Variants in EPHA7 observed in about 807,000 individuals in gnomAD.
EPHA7 encodes ephrin type-A receptor 7.
In EPHA7, 25 loss-of-function variants were observed where a neutral mutation model predicts 112.6. The observed-to-expected ratio is 0.22, with a 90% confidence interval of 0.16 to 0.31. The LOEUF is 0.31. EPHA7 is among the 10% of genes least tolerant of loss of function. The pLI is 1.00. For missense variants in EPHA7, 962 were observed against 1,212.6 expected, an observed-to-expected ratio of 0.79 and a Z score of 3.07; for synonymous variants, 437 against 406.5, an observed-to-expected ratio of 1.07 and a Z score of -0.90.
intron 14 of EPHA7, among the ~76,000 whole-genome samples, chr6:93,254,329 C>T (rs1352981135): frequency 6.6e-6 from 1 of 152,046 alleles, no homozygotes; most frequent in Non-Finnish European, 1.5e-5. Flanking sequence ...GATTCTTTTA[C>T]TCATGTGATG....
chr6:93,253,377 CAG>C (rs1347862884), intron 14 of EPHA7, among the ~76,000 whole-genome samples: 3 of 152,054 alleles, frequency 2.0e-5, no homozygotes, highest in Non-Finnish European at 4.4e-5. Context: ...TTCCTCTTTT[CAG>C]ACTGTGGACT....
chr6:93,254,841 A>T, intron 13 of EPHA7, 45 bp from the exon 14 acceptor site: 1 of 1,517,800 alleles, frequency 6.6e-7, no homozygotes, highest in African/African-American at 1.4e-5. Flanking sequence ...ATAATAACTG[A>T]TATATTATTT....
chr6:93,391,737 G>C (rs1271816657), intron 3 of EPHA7, among the ~76,000 whole-genome samples: 1 of 151,782 alleles, frequency 6.6e-6, no homozygotes, highest in Non-Finnish European at 1.5e-5. Flanking sequence ...AACAGAGGAA[G>C]GGGAAGCTGG....
chr6:93,241,094 C>T lies in EPHA7; in HGVS notation c.*2332G>A, dbSNP rs1769669860. Reference sequence around the variant, plus strand: ...AAAACTTTTATTCTGCCCTTCTACTCAAGAAAGACTACTCAACTATAAATC... The same window carrying T: ...AAAACTTTTATTCTGCCCTTCTACTTAAGAAAGACTACTCAACTATAAATC... On this transcript the variant is annotated 3_prime_UTR_variant, in exon 17 of 17. Coordinates refer to ENST00000369303, the MANE Select transcript of EPHA7 (RefSeq NM_004440.4). 1 of 205,872 alleles carries T rather than the reference C, an allele frequency of 4.9e-6. No individual in the cohort carries two copies. Among genetic ancestry groups the T allele is most frequent in the Admixed American group, 6.0e-5 (1 of 16,806 alleles). The allele number at this position is 205,872 out of a possible 1,614,324, so 12.8% of individuals were successfully genotyped here.
intron 5 of EPHA7, among the ~76,000 whole-genome samples, chr6:93,294,994 G>A (rs1023968960): frequency 6.6e-6 from 1 of 151,762 alleles, no homozygotes; most frequent in Non-Finnish European, 1.5e-5. Flanking sequence ...ATCATACAGT[G>A]TGTTTACTTT....
intron 4 of EPHA7, 98 bp downstream of exon 4, chr6:93,358,158 G>T: frequency 1.1e-6 from 1 of 913,450 alleles, no homozygotes; most frequent in Non-Finnish European, 1.5e-6. Context: ...GTATAATTAA[G>T]AATGTATCAC....
chr6:93,251,898 T>C (rs747703325), intron 14 of EPHA7, among the ~76,000 whole-genome samples: 4 of 152,046 alleles, frequency 2.6e-5, no homozygotes, highest in Non-Finnish European at 5.9e-5. Flanking sequence ...TTGGTTTTAA[T>C]TGCAACTAAC....
chr6:93,258,840 A>C (rs1396840384), intron 10 of EPHA7, among the ~76,000 whole-genome samples: 1 of 151,476 alleles, frequency 6.6e-6, no homozygotes, highest in Non-Finnish European at 1.5e-5. Context: ...GATTTAAAGG[A>C]ATTAGAATCA....
At chr6:93,294,326 G>T (rs1772541232) in intron 5 of EPHA7, among the ~76,000 whole-genome samples, 1 of 152,056 alleles carries the variant, frequency 6.6e-6, no homozygotes, top group African/African-American at 2.4e-5. Flanking sequence ...CCCTTAAATG[G>T]GCAGTGTATC....
chr6:93,336,256 G>C (rs1229350799), intron 5 of EPHA7, among the ~76,000 whole-genome samples: 1 of 152,134 alleles, frequency 6.6e-6, no homozygotes, highest in East Asian at 1.9e-4. Flanking sequence ...TTTAGCATCA[G>C]AAAACGAGGC....
At chr6:93,297,028 A>G (rs540049108) in intron 5 of EPHA7, among the ~76,000 whole-genome samples, 3 of 151,616 alleles carry the variant, frequency 2.0e-5, no homozygotes, top group East Asian at 1.9e-4. Context: ...TCATTTTATT[A>G]TCTAAATGTA....
intron 5 of EPHA7, among the ~76,000 whole-genome samples, chr6:93,314,570 AC>A (rs1773702290): frequency 6.6e-6 from 1 of 152,194 alleles, no homozygotes; most frequent in Non-Finnish European, 1.5e-5. Flanking sequence ...AGACCACCTT[AC>A]AGACAGGACC....
chr6:93,262,122 C>T (rs1005582536), intron 9 of EPHA7, among the ~76,000 whole-genome samples: 1 of 151,502 alleles, frequency 6.6e-6, no homozygotes, highest in African/African-American at 2.4e-5. Flanking sequence ...TTATATTACT[C>T]TTCTATATAC....
At chr6:93,357,645 A>T (rs547340745) in intron 4 of EPHA7, among the ~76,000 whole-genome samples, 1 of 139,912 alleles carries the variant, frequency 7.1e-6, no homozygotes, top group East Asian at 2.2e-4. Flanking sequence ...TCCATGCAAG[A>T]CCCTAATAAC....
intron 3 of EPHA7, among the ~76,000 whole-genome samples, chr6:93,389,544 G>A (rs1364674169): frequency 6.6e-6 from 1 of 151,898 alleles, no homozygotes; most frequent in African/African-American, 2.4e-5. Flanking sequence ...AAAGTCTCCT[G>A]AAAATGGAAT....
intron 5 of EPHA7, among the ~76,000 whole-genome samples, chr6:93,341,847 A>G (rs1038946860): frequency 2.0e-5 from 3 of 151,894 alleles, no homozygotes; most frequent in Non-Finnish European, 4.4e-5. Context: ...AATAATCTAT[A>G]GGTTTCTTTG....
intron 5 of EPHA7, among the ~76,000 whole-genome samples, chr6:93,354,200 T>C (rs1265490376): frequency 1.3e-5 from 2 of 152,076 alleles, no homozygotes; most frequent in Non-Finnish European, 2.9e-5. Flanking sequence ...TTGGATAGTT[T>C]TGAACTCGGA....
intron 3 of EPHA7, among the ~76,000 whole-genome samples, chr6:93,367,633 A>ATT (rs1776581431): frequency 6.6e-6 from 1 of 152,100 alleles, no homozygotes; most frequent in African/African-American, 2.4e-5. Flanking sequence ...ACACACACAA[A>ATT]TTATAAGACT....
At chr6:93,334,179 G>A (rs1774742242) in intron 5 of EPHA7, among the ~76,000 whole-genome samples, 1 of 151,954 alleles carries the variant, frequency 6.6e-6, no homozygotes, top group African/African-American at 2.4e-5. Context: ...TTCAATAAAT[G>A]GTGCTCGAAT....
Sources: allele counts gnomAD v4.1 joint callset (sites outside exome capture counted in the v4.1 genomes callset), GRCh38; gene constraint gnomAD v4.1.1; transcripts MANE v1.5; gene names NCBI Gene and HGNC (gene_info 2026-07-23, HGNC 2026-07-21).